The following IL27RA variants were observed in gnomAD, a reference collection of about 807,000 sequenced individuals.
IL27RA encodes interleukin-27 receptor subunit alpha.
A neutral mutation model predicts 80.8 loss-of-function variants in IL27RA; 61 were observed. The observed-to-expected ratio is 0.76, with a 90% CI of 0.61 to 0.93. The LOEUF is 0.93. IL27RA is among the 40% of genes least tolerant of loss of function. IL27RA has a pLI of 0.00. For missense variants in IL27RA, 735 were observed against 808.1 expected, an observed-to-expected ratio of 0.91 and a Z score of 1.10; for synonymous variants, 316 against 332.5, an observed-to-expected ratio of 0.95 and a Z score of 0.54.
At chr19:14,034,822 T>G (rs371170961) in intron 2 of IL27RA, among the ~76,000 whole-genome samples, 5 of 148,688 alleles carry the variant, frequency 3.4e-5, no homozygotes, top group South Asian at 2.1e-4. Context: ...GCGTGGTGGC[T>G]GGCGCCTGTA....
intron 2 of IL27RA, among the ~76,000 whole-genome samples, chr19:14,037,287 G>A (rs1975917114): frequency 1.3e-5 from 2 of 149,592 alleles, no homozygotes; most frequent in South Asian, 4.2e-4. Context: ...TTGAGACAGA[G>A]TCTCACTCTG....
chr19:14,047,464 CGTGCCT>C (rs1331303573), intron 8 of IL27RA, among the ~76,000 whole-genome samples: 1 of 150,452 alleles, frequency 6.6e-6, no homozygotes, highest in African/African-American at 2.5e-5. Flanking sequence ...AAGCGATTCT[CGTGCCT>C]CAGCCTCTGG....
intron 2 of IL27RA, among the ~76,000 whole-genome samples, chr19:14,034,099 C>G (rs1289670780): frequency 6.6e-6 from 1 of 152,180 alleles, no homozygotes; most frequent in Non-Finnish European, 1.5e-5. Context: ...GTTTTTATTG[C>G]TGTGTGACAT....
At chr19:14,049,394 C>T (rs962354855) in intron 10 of IL27RA, 80 bp downstream of exon 10, 17 of 1,468,414 alleles carry the variant, frequency 1.2e-5, no homozygotes, top group East Asian at 9.4e-5. Context: ...CTTGTCCCCA[C>T]GTGGGCCTCT....
At position 14,037,823 on chromosome 19, in the gene IL27RA, G is replaced by GCT. The variant is rs1555764845; in HGVS notation, c.219-1674_219-1673dup. ...CTGGCCAACAGAGTGAGACCCTCTC[G>GCT]CTCTCTCTCTCTTTTTTTTTTTTTT... On this transcript the variant is annotated intron_variant, in intron 2 of 13. Coordinates refer to ENST00000263379, the MANE Select transcript of IL27RA (RefSeq NM_004843.4). 6.5e-3 allele frequency among the ~76,000 whole-genome samples: 874 copies of GCT among 135,086 alleles called. 13 individuals are homozygous for GCT. The highest frequency in any genetic ancestry group is 0.013 in the East Asian group (54 of 4,090). 88.6% of individuals were successfully genotyped at this position (135,086 alleles called of 152,430 possible).
chr19:14,050,114 C>G (rs557771556), intron 10 of IL27RA, among the ~76,000 whole-genome samples: 1 of 151,818 alleles, frequency 6.6e-6, no homozygotes, highest in Non-Finnish European at 1.5e-5. Flanking sequence ...TGCTTGAATC[C>G]GGGAGGTGGA....
intron 6 of IL27RA, among the ~76,000 whole-genome samples, 187 bp from the exon 7 acceptor site, chr19:14,045,967 G>A (rs1057228604): frequency 1.3e-5 from 2 of 152,154 alleles, no homozygotes. Context: ...GAAGGTTGCA[G>A]TGAGCCGAGA....
chr19:14,042,644 G>A (rs1376104088), intron 5 of IL27RA, 32 bp downstream of exon 5: 13 of 1,613,752 alleles, frequency 8.1e-6, no homozygotes, highest in East Asian at 2.2e-5. Flanking sequence ...CTCAATCCAC[G>A]CCCCTCCCAC....
rs1975820338 is a variant in IL27RA at position 14,031,892 on chromosome 19, C to T, written c.20C>T (p.Ala7Val). The T allele has an allele frequency of 4.4e-6, 7 of 1,603,762 alleles. No individual in the cohort carries two copies. Among genetic ancestry groups the T allele is most frequent in the Non-Finnish European group, 5.1e-6 (6 of 1,175,898 alleles). The change falls in exon 1 of 14, where the codon GCC becomes GTC. Residue 7 changes from alanine to valine, a missense_variant. By Grantham distance (64) the Ala-to-Val change is moderately conservative. Coordinates refer to ENST00000263379, the MANE Select transcript of IL27RA (RefSeq NM_004843.4). MRGGRG[A>V]PFWLWPLPKL... Reference sequence around the variant, plus strand: ...GACGCCATGCGGGGAGGCAGGGGCGCCCCTTTCTGGCTGTGGCCGCTGCCC... The same window carrying T: ...GACGCCATGCGGGGAGGCAGGGGCGTCCCTTTCTGGCTGTGGCCGCTGCCC...
rs372359437 is a variant in IL27RA, at chr19:14,046,423, C to T, written c.953-7C>T. ...GTGGGCAGCTGAGACTTCTCTCCAC[C>T]CTCCAGATTCAGCCTCTGCCCCCCG... On this transcript the variant is annotated splice_region_variant and splice_polypyrimidine_tract_variant and intron_variant, in intron 7 of 13. Transcript: ENST00000263379. 1.9e-6 allele frequency: 3 copies of T among 1,614,100 alleles called. No homozygotes were observed. Among genetic ancestry groups the T allele is most frequent in the East Asian group, 2.2e-5 (1 of 44,872 alleles).
chr19:14,033,627 T>C (rs973442144), intron 2 of IL27RA, among the ~76,000 whole-genome samples: 1 of 151,212 alleles, frequency 6.6e-6, no homozygotes, highest in African/African-American at 2.4e-5. Context: ...ATCGTGCCAT[T>C]GCACTCCAGC....
Position 14,046,171 on chromosome 19 carries a change from G to A in IL27RA, c.786G>A (p.Val262=). The change falls in exon 7 of 14, where the codon GTG becomes GTA. Residue 262 remains valine (V), a synonymous_variant. Transcript: ENST00000263379. ...TCTCTCAGGCCCCAGGGCCCTGTGT[G>A]CAGGTGAGCTACAAAGTCTGGTTCT... is the stretch of plus-strand genomic sequence containing the variant. ...LLLWKAPGPC[V]QVSYKVWFWV... is the part of the protein sequence containing the mutation. The A allele has an allele frequency of 2.5e-6, 4 of 1,614,172 alleles. No homozygotes were observed. Among genetic ancestry groups the A allele is most frequent in the Non-Finnish European group, 3.4e-6 (4 of 1,180,012 alleles).
At chr19:14,040,006 C>A in intron 4 of IL27RA, 96 bp downstream of exon 4, 1 of 1,266,328 alleles carries the variant, frequency 7.9e-7, no homozygotes, top group Non-Finnish European at 1.1e-6. Flanking sequence ...CATTCTGTGC[C>A]TGCCCCTGAG....
At position 14,051,996 on chromosome 19, in the gene IL27RA, C is replaced by T. The variant is rs760673423; in HGVS notation, c.1716+23C>T. 25 of 1,554,638 alleles carry T rather than the reference C, an allele frequency of 1.6e-5. No homozygotes were observed. The East Asian group carries it at 3.3e-4, about 21-fold the overall frequency. On this transcript the variant is annotated intron_variant, in intron 13 of 13. Transcript: ENST00000263379. ...GAGGTGAGTCAAAGGGCCGGCTAGT[C>T]GGAGCCCTCTGGGGGACTGGGGAGT... is the stretch of plus-strand genomic sequence containing the variant.
rs754468457 is a variant in IL27RA at position 14,049,164 on chromosome 19, G to C, written c.1252G>C (p.Val418Leu). The C allele has an allele frequency of 5.6e-6, 9 of 1,613,820 alleles. No homozygotes were observed. In the East Asian group the frequency reaches 2.0e-4, roughly 36 times the overall value. Residue 418 changes from valine (V) to leucine (L), a missense_variant, in exon 10 of 14, where the codon GTG (valine) becomes CTG (leucine). By Grantham distance (32) the Val-to-Leu change is conservative. Coordinates refer to ENST00000263379, the MANE Select transcript of IL27RA (RefSeq NM_004843.4). The part of the protein sequence containing the change: ...WGFREELAPL[V>L]GPTLWRLQDA... ...ACTGCCTTCCTCCCCAGCACCCCTA[G>C]TGGGGCCAACGCTTTGGCGACTCCA...
chr19:14,042,676 T>C (rs1443617192), intron 5 of IL27RA, 40 bp from the exon 6 acceptor site: 1 of 1,613,842 alleles, frequency 6.2e-7, no homozygotes, highest in South Asian at 1.1e-5. Context: ...TGTCCAATCA[T>C]GTCCCACTCA....
At chr19:14,043,675 C>T (rs987070639) in intron 6 of IL27RA, among the ~76,000 whole-genome samples, 1 of 151,584 alleles carries the variant, frequency 6.6e-6, no homozygotes, top group East Asian at 2.0e-4. Context: ...CCAGCCACCT[C>T]GGCCTCCCAA....
chr19:14,032,052 C>T (rs573993605), intron 1 of IL27RA, 80 bp downstream of exon 1: 48 of 1,263,942 alleles, frequency 3.8e-5, no homozygotes, highest in Non-Finnish European at 5.4e-5. Context: ...GGATAAGCCA[C>T]GCGTATGCAG....
chr19:14,040,001 T>G (rs1404653534), intron 4 of IL27RA, 91 bp downstream of exon 4: 1 of 1,310,686 alleles, frequency 7.6e-7, no homozygotes, highest in Non-Finnish European at 1.1e-6. Flanking sequence ...GGACTCATTC[T>G]GTGCCTGCCC....
Sources: gnomAD v4.1 joint callset for allele counts (sites outside exome capture counted in the v4.1 genomes callset) on GRCh38, gnomAD v4.1.1 for gene constraint, MANE v1.5 for transcripts, NCBI Gene and HGNC (gene_info 2026-07-23, HGNC 2026-07-21) for gene names.